The following PBLD variants were observed in gnomAD, a reference collection of about 807,000 sequenced individuals.
PBLD encodes the protein phenazine biosynthesis-like domain-containing protein.
In PBLD, 26 loss-of-function variants were observed where a neutral mutation model predicts 31.3. The observed-to-expected ratio is 0.83, with a 90% CI of 0.61 to 1.15. The LOEUF is 1.15. Ranked by LOEUF, PBLD falls within the 50% of genes most tolerant of loss-of-function variation. The pLI is 0.00. For synonymous variants in PBLD, 114 were observed against 129.0 expected (o/e 0.88, Z 0.79); for missense variants, 307 against 351.7 (o/e 0.87, Z 1.02).
intron 1 of PBLD, among the ~76,000 whole-genome samples, chr10:68,319,822 A>T (rs1014274098): frequency 2.9e-5 from 4 of 139,608 alleles, no homozygotes; most frequent in South Asian, 2.3e-4. Context: ...ATTTATTTTT[A>T]TTTATTTATT....
At chr10:68,313,843 A>C (rs972939810) in intron 1 of PBLD, among the ~76,000 whole-genome samples, 1 of 152,208 alleles carries the variant, frequency 6.6e-6, no homozygotes, top group Non-Finnish European at 1.5e-5. Flanking sequence ...AACAACAACA[A>C]AAAAACCCTT....
chr10:68,314,756 C>T (rs1373988758), intron 1 of PBLD, among the ~76,000 whole-genome samples: 1 of 151,974 alleles, frequency 6.6e-6, no homozygotes, highest in African/African-American at 2.4e-5. Flanking sequence ...CAACACCACA[C>T]CAGGCTGATT....
chr10:68,296,800 C>G, intron 3 of PBLD, 86 bp downstream of exon 3: 5 of 1,174,540 alleles, frequency 4.3e-6, no homozygotes, highest in Non-Finnish European at 6.3e-6. Flanking sequence ...ACGCAGGAGG[C>G]GGAGGTTGCA....
intron 4 of PBLD, among the ~76,000 whole-genome samples, chr10:68,293,797 A>G (rs897461855): frequency 6.6e-6 from 1 of 152,078 alleles, no homozygotes; most frequent in Non-Finnish European, 1.5e-5. Context: ...CAACATGGTA[A>G]AACCCCATCT....
At chr10:68,331,977 C>T (rs2045127493) in intron 1 of PBLD, 2 of 152,626 alleles carry the variant, frequency 1.3e-5, no homozygotes, top group East Asian at 1.9e-4. Flanking sequence ...AACCGACTTT[C>T]CCGTCTCGCG....
intron 1 of PBLD, among the ~76,000 whole-genome samples, chr10:68,325,724 TTTGTACA>T (rs772270996): frequency 2.0e-5 from 3 of 152,246 alleles, no homozygotes; most frequent in Non-Finnish European, 4.4e-5. Flanking sequence ...CTGCCGTTAT[TTTGTACA>T]TCCATGCCTT....
chr10:68,297,252 G>T (rs997881682), intron 2 of PBLD: 4 of 461,832 alleles, frequency 8.7e-6, no homozygotes, highest in Non-Finnish European at 1.6e-5. Context: ...TTTTGTCACA[G>T]TAAGATCTAG....
At chr10:68,307,203 T>C (rs2044593038) in intron 1 of PBLD, among the ~76,000 whole-genome samples, 1 of 151,824 alleles carries the variant, frequency 6.6e-6, no homozygotes, top group Non-Finnish European at 1.5e-5. Flanking sequence ...CTAATTTCTG[T>C]GTTTTTAGTA....
At chr10:68,320,877 G>C (rs142773972) in intron 1 of PBLD, among the ~76,000 whole-genome samples, 2 of 151,124 alleles carry the variant, frequency 1.3e-5, no homozygotes, top group African/African-American at 4.9e-5. Flanking sequence ...GAGTGCAATG[G>C]CACGATCTCA....
chr10:68,322,235 T>C (rs1042387897), intron 1 of PBLD, among the ~76,000 whole-genome samples: 1 of 152,022 alleles, frequency 6.6e-6, no homozygotes, highest in Non-Finnish European at 1.5e-5. Flanking sequence ...TTCCACAAAA[T>C]ACCTGACCAG....
intron 1 of PBLD, among the ~76,000 whole-genome samples, chr10:68,317,585 C>G (rs1214075668): frequency 2.0e-5 from 3 of 152,066 alleles, no homozygotes; most frequent in African/African-American, 7.2e-5. Context: ...CCCCTGAGGT[C>G]AGGAGTTTGA....
intron 1 of PBLD, among the ~76,000 whole-genome samples, chr10:68,309,960 A>T (rs112930834): frequency 0.02 from 2,950 of 149,564 alleles, 216 homozygotes; most frequent in African/African-American, 0.069. Flanking sequence ...ACACAGTGAA[A>T]CCCCGTCTCT....
intron 1 of PBLD, among the ~76,000 whole-genome samples, chr10:68,322,016 C>T (rs2044842021): frequency 6.6e-6 from 1 of 152,064 alleles, no homozygotes; most frequent in Admixed American, 6.6e-5. Context: ...AACTTGCTTC[C>T]AAAGAACAGA....
chr10:68,330,091 C>A (rs1299545587), intron 1 of PBLD, among the ~76,000 whole-genome samples: 2 of 152,090 alleles, frequency 1.3e-5, no homozygotes, highest in Non-Finnish European at 2.9e-5. Context: ...GTTACTACAG[C>A]ATCCTTGTTT....
intron 1 of PBLD, among the ~76,000 whole-genome samples, chr10:68,318,721 T>C (rs1196247742): frequency 6.6e-6 from 1 of 152,058 alleles, no homozygotes; most frequent in African/African-American, 2.4e-5. Flanking sequence ...TAAACTTAAA[T>C]GTTAAGTATG....
intron 1 of PBLD, among the ~76,000 whole-genome samples, chr10:68,316,152 A>C (rs778288110): frequency 1.3e-5 from 2 of 152,190 alleles, no homozygotes; most frequent in Non-Finnish European, 2.9e-5. Flanking sequence ...AGGGAGTCCC[A>C]ATGTCGGGCT....
intron 1 of PBLD, among the ~76,000 whole-genome samples, chr10:68,315,342 T>C (rs1410224758): frequency 6.6e-6 from 1 of 152,022 alleles, no homozygotes. Context: ...CCCAGCACTC[T>C]GGGAGGCCTA....
At chr10:68,289,277 C>G (rs905606866) in intron 6 of PBLD, among the ~76,000 whole-genome samples, 2 of 152,130 alleles carry the variant, frequency 1.3e-5, no homozygotes, top group Non-Finnish European at 2.9e-5. Flanking sequence ...CCTGTAATCC[C>G]AGCACTTTGG....
chr10:68,296,926 AGC>A lies in PBLD; in HGVS notation c.142_143del (p.Ala48PhefsTer27). On this transcript the variant is annotated frameshift_variant, in exon 3 of 10. Coordinates refer to ENST00000358769, the MANE Select transcript of PBLD (RefSeq NM_022129.4). LOFTEE classifies it high-confidence loss of function. ...IAREMNLSET[A>X]FIRKLHPTDN... ...CTGTCGGGTGCAGTTTTCGGATAAA[AGC>A]AGTTTCAGAGAGGTTCATCTCCCTT... The A allele has an allele frequency of 1.9e-6, 3 of 1,614,102 alleles. No individual in the cohort carries two copies. Among genetic ancestry groups the A allele is most frequent in the Non-Finnish European group, 2.5e-6 (3 of 1,179,968 alleles).
Sources: gnomAD v4.1 joint callset for allele counts (sites outside exome capture counted in the v4.1 genomes callset) on GRCh38, gnomAD v4.1.1 for gene constraint, MANE v1.5 for transcripts, NCBI Gene and HGNC (gene_info 2026-07-23, HGNC 2026-07-21) for gene names.